Variants in FHIT observed in about 807,000 individuals in gnomAD.
FHIT encodes the protein fragile histidine triad diadenosine triphosphatase, also known as bis(5'-adenosyl)-triphosphatase.
FHIT carries 19 observed loss-of-function variants against 17.9 expected under a neutral mutation model. The observed-to-expected ratio is 1.06, with a 90% confidence interval of 0.74 to 1.56. The LOEUF (loss-of-function observed/expected upper bound fraction) is 1.56, where lower values mean the gene tolerates loss of function less well. FHIT is among the 40% of genes most tolerant of loss of function. The probability of loss-of-function intolerance (pLI) is 0.00; values close to 1 mark genes in which losing one functional copy is unlikely to be tolerated. For synonymous variants in FHIT, 81 were observed against 69.7 expected, an observed-to-expected ratio of 1.16 and a Z score of -0.81; for missense variants, 248 against 189.2, an observed-to-expected ratio of 1.31 and a Z score of -1.82.
At chr3:59,808,089 C>A (rs934012852) in intron 8 of FHIT, among the ~76,000 whole-genome samples, 12 of 150,088 alleles carry the variant, frequency 8.0e-5, no homozygotes, top group African/African-American at 3.0e-4. Flanking sequence ...CTCCCCTTTC[C>A]CCTACCCCCC....
At position 61,200,881 on chromosome 3, in the gene FHIT, C is replaced by T. The variant is rs114402059; in HGVS notation, c.-212-216G>A. ...TGCACACATCTACCCAGAATTGAAGCACACAAACCTTGGCCAAATCTACAG... is the reference window on the plus strand; with the variant it reads ...TGCACACATCTACCCAGAATTGAAGTACACAAACCTTGGCCAAATCTACAG... On this transcript the variant is annotated intron_variant, in intron 1 of 9. Coordinates refer to ENST00000492590, the MANE Select transcript of FHIT (RefSeq NM_002012.4). 2.4e-3 allele frequency among the ~76,000 whole-genome samples: 365 copies of T among 152,312 alleles called. 3 individuals are homozygous for T. In the Middle Eastern group the frequency reaches 0.027, roughly 11 times the overall value.
At chr3:60,289,095 G>A (rs1375163415) in intron 5 of FHIT, among the ~76,000 whole-genome samples, 1 of 152,036 alleles carries the variant, frequency 6.6e-6, no homozygotes, top group African/African-American at 2.4e-5. Flanking sequence ...GGGTTCACCG[G>A]ACCCTGGACT....
chr3:60,463,623 C>A (rs2107420503), intron 5 of FHIT, among the ~76,000 whole-genome samples: 1 of 152,290 alleles, frequency 6.6e-6, no homozygotes, highest in East Asian at 1.9e-4. Context: ...TGTAACATTT[C>A]AAACTGTAAT....
intron 5 of FHIT, among the ~76,000 whole-genome samples, chr3:60,352,504 T>C (rs1010587324): frequency 1.3e-5 from 2 of 152,066 alleles, no homozygotes; most frequent in East Asian, 1.9e-4. Flanking sequence ...ATTTCTTTTT[T>C]AAAATTTTTT....
At chr3:60,598,013 T>G (rs553660017) in intron 4 of FHIT, among the ~76,000 whole-genome samples, 2 of 152,088 alleles carry the variant, frequency 1.3e-5, no homozygotes, top group African/African-American at 4.8e-5. Context: ...CATTGAGGAA[T>G]TGGCATTTGA....
At chr3:60,139,380 A>C (rs993268872) in intron 5 of FHIT, among the ~76,000 whole-genome samples, 1 of 38,876 alleles carries the variant, frequency 2.6e-5, no homozygotes, top group African/African-American at 1.1e-4. Context: ...TTAACCAGAG[A>C]ACTAAAAAGG....
chr3:60,134,346 G>A (rs1699718687), intron 5 of FHIT, among the ~76,000 whole-genome samples: 1 of 152,156 alleles, frequency 6.6e-6, no homozygotes, highest in Admixed American at 6.5e-5. Context: ...ATCCAATGGG[G>A]CAGGTTTTTA....
At chr3:60,679,666 A>T (rs1313153303) in intron 4 of FHIT, among the ~76,000 whole-genome samples, 1 of 152,138 alleles carries the variant, frequency 6.6e-6, no homozygotes, top group Non-Finnish European at 1.5e-5. Flanking sequence ...CCAAAGTATA[A>T]TAATGAATTT....
At chr3:60,021,198 C>A (rs1700540552) in intron 5 of FHIT, among the ~76,000 whole-genome samples, 1 of 152,152 alleles carries the variant, frequency 6.6e-6, no homozygotes, top group Non-Finnish European at 1.5e-5. Context: ...ATGTTTTGCC[C>A]TGGGATATGC....
chr3:61,004,211 A>C (rs1052811665), intron 3 of FHIT, among the ~76,000 whole-genome samples: 14 of 152,202 alleles, frequency 9.2e-5, no homozygotes, highest in Non-Finnish European at 2.1e-4. Context: ...AGACTGATAA[A>C]AATAGATCCT....
intron 2 of FHIT, among the ~76,000 whole-genome samples, chr3:61,061,662 G>C (rs2034433951): frequency 6.6e-6 from 1 of 151,998 alleles, no homozygotes; most frequent in Non-Finnish European, 1.5e-5. Flanking sequence ...GCAAATCATG[G>C]CTCTAGAGCT....
At chr3:60,233,610 A>G (rs1010470636) in intron 5 of FHIT, among the ~76,000 whole-genome samples, 1 of 152,134 alleles carries the variant, frequency 6.6e-6, no homozygotes, top group African/African-American at 2.4e-5. Context: ...ACTTTTTGAA[A>G]TCATCTTTTC....
chr3:60,083,007 C>T (rs911519556), intron 5 of FHIT, among the ~76,000 whole-genome samples: 1 of 152,074 alleles, frequency 6.6e-6, no homozygotes, highest in East Asian at 1.9e-4. Context: ...TGTTACATTG[C>T]TTTTGAAGAC....
At chr3:60,109,084 CACAA>C (rs1704556122) in intron 5 of FHIT, among the ~76,000 whole-genome samples, 1 of 152,046 alleles carries the variant, frequency 6.6e-6, no homozygotes, top group Admixed American at 6.6e-5. Context: ...AAAAGAGCCT[CACAA>C]ACAGTTAATT....
intron 2 of FHIT, among the ~76,000 whole-genome samples, chr3:61,070,795 G>A (rs192720567): frequency 1.8e-4 from 27 of 152,226 alleles, no homozygotes; most frequent in African/African-American, 6.0e-4. Context: ...CCAGTCTTAC[G>A]ATGGTGCAGC....
intron 5 of FHIT, among the ~76,000 whole-genome samples, chr3:60,042,408 T>C (rs767102465): frequency 4.6e-5 from 7 of 152,084 alleles, no homozygotes; most frequent in Non-Finnish European, 8.8e-5. Context: ...AAAAGAGACA[T>C]GTACGATCCC....
At chr3:60,197,231 T>C (rs547614108) in intron 5 of FHIT, among the ~76,000 whole-genome samples, 2 of 152,274 alleles carry the variant, frequency 1.3e-5, no homozygotes, top group African/African-American at 4.8e-5. Context: ...GTGGCTCTTG[T>C]CAATGTAAAC....
chr3:59,769,978 A>C (rs1182942876), intron 8 of FHIT, among the ~76,000 whole-genome samples: 1 of 152,224 alleles, frequency 6.6e-6, no homozygotes, highest in Non-Finnish European at 1.5e-5. Flanking sequence ...TCCATGTTTC[A>C]ACTGCTCTAT....
chr3:60,947,898 T>A (rs1708706768), intron 3 of FHIT, among the ~76,000 whole-genome samples: 1 of 152,250 alleles, frequency 6.6e-6, no homozygotes, highest in Non-Finnish European at 1.5e-5. Context: ...AAAGCATTTC[T>A]GGTTAGTTTC....
Sources: allele counts gnomAD v4.1 joint callset (sites outside exome capture counted in the v4.1 genomes callset), GRCh38; gene constraint gnomAD v4.1.1; transcripts MANE v1.5; gene names NCBI Gene and HGNC (gene_info 2026-07-23, HGNC 2026-07-21).